Variants in PADI6 observed in about 807,000 individuals in gnomAD.
PADI6 encodes the protein inactive protein-arginine deiminase type-6.
In PADI6, 66 loss-of-function variants were observed where a neutral mutation model predicts 78.2. The observed-to-expected ratio is 0.84, with a 90% confidence interval of 0.69 to 1.04. PADI6 has a LOEUF of 1.04. PADI6 is among the 50% of genes least tolerant of loss of function. The pLI, the probability that PADI6 is intolerant of heterozygous loss-of-function variation, is 0.00. For missense variants in PADI6, 854 were observed against 866.1 expected, an observed-to-expected ratio of 0.99 and a Z score of 0.18; for synonymous variants, 397 against 346.9, an observed-to-expected ratio of 1.14 and a Z score of -1.60.
chr1:17,398,148 A>T (rs2075264214), intron 14 of PADI6, among the ~76,000 whole-genome samples: 1 of 152,206 alleles, frequency 6.6e-6, no homozygotes, highest in Admixed American at 6.5e-5. Context: ...GGTCCTTAAC[A>T]TTCCCAGGAA....
At chr1:17,372,884 A>AAC (rs3035574) in intron 1 of PADI6, among the ~76,000 whole-genome samples, 172 bp from the exon 2 acceptor site, 27,462 of 151,866 alleles carry the variant, frequency 0.18, 2,612 homozygotes, top group Middle Eastern at 0.3. Flanking sequence ...TCGGAGAGCA[A>AAC]ACACAGGGGT....
chr1:17,392,189 CTA>C lies in PADI6; in HGVS notation c.1040_1041del (p.Tyr347Ter). 6.4e-7 allele frequency: 1 copy of C among 1,559,730 alleles called. No homozygotes were observed. On this transcript the variant is annotated frameshift_variant, in exon 9 of 16. Transcript: ENST00000619609. LOFTEE classifies it high-confidence loss of function. ...EKSNSQVASV[Y>X]EDPNRLGRWL... ...AGAGCAACAGCCAGGTGGCATCTGT[CTA>C]TGAGGACCCCAACCGCCTGGGCAGG...
rs1259030602 is a variant in PADI6, at chr1:17,381,180, GTC to G, written c.553+20_553+21del. 5.1e-6 allele frequency: 8 copies of G among 1,562,752 alleles called. No homozygotes were observed. Among genetic ancestry groups the G allele is most frequent in the Non-Finnish European group, 7.0e-6 (8 of 1,150,528 alleles). On this transcript the variant is annotated intron_variant, in intron 5 of 15. Coordinates refer to ENST00000619609, the MANE Select transcript of PADI6 (RefSeq NM_207421.4). ...TTTTCAGAGGGTAGGACCTCAGACT[GTC>G]TCTGCCTTTCCTTCTTGGTCTCTTT...
chr1:17,398,436 G>A (rs1465915840), intron 14 of PADI6, among the ~76,000 whole-genome samples: 8 of 152,140 alleles, frequency 5.3e-5, no homozygotes, highest in African/African-American at 1.9e-4. Context: ...AGTGCCAGAC[G>A]CTGTCTAGCC....
At chr1:17,380,995 CAGA>C in intron 4 of PADI6, 49 bp from the exon 5 acceptor site, 8 of 1,468,924 alleles carry the variant, frequency 5.4e-6, no homozygotes, top group South Asian at 1.2e-5. Flanking sequence ...ATCCGAGAAA[CAGA>C]AGATTTATTT....
intron 3 of PADI6, among the ~76,000 whole-genome samples, chr1:17,376,001 G>A (rs753148002): frequency 6.7e-6 from 1 of 148,160 alleles, no homozygotes; most frequent in Middle Eastern, 3.5e-3. Flanking sequence ...TTTCTGAGAT[G>A]AGTCTTACTG....
intron 3 of PADI6, among the ~76,000 whole-genome samples, chr1:17,379,002 T>G (rs1325663186): frequency 2.0e-5 from 3 of 151,572 alleles, no homozygotes; most frequent in Admixed American, 1.3e-4. Context: ...TAGAGTGCAG[T>G]GGTCTGATCT....
chr1:17,374,513 G>A (rs2074996305), intron 2 of PADI6, among the ~76,000 whole-genome samples: 1 of 152,142 alleles, frequency 6.6e-6, no homozygotes, highest in Non-Finnish European at 1.5e-5. Flanking sequence ...GTAATCTCAG[G>A]TTCTCAGGAG....
intron 3 of PADI6, among the ~76,000 whole-genome samples, chr1:17,376,708 T>C (rs2075021229): frequency 6.6e-6 from 1 of 151,946 alleles, no homozygotes; most frequent in African/African-American, 2.4e-5. Flanking sequence ...TAGGTTGTCT[T>C]TTAAAGTCTA....
chr1:17,387,484 C>T (rs528969404), intron 6 of PADI6, among the ~76,000 whole-genome samples: 2 of 151,914 alleles, frequency 1.3e-5, no homozygotes, highest in South Asian at 4.2e-4. Context: ...CGTGGTAGCT[C>T]ACACCTGTAA....
chr1:17,381,866 T>C (rs905251552), intron 5 of PADI6, 101 bp from the exon 6 acceptor site: 1 of 1,381,126 alleles, frequency 7.2e-7, no homozygotes, highest in Non-Finnish European at 1.0e-6. Context: ...GGGTCCTTGG[T>C]GCTCTGTTCA....
Position 17,373,045 on chromosome 1 carries a change from G to T in PADI6, c.117-11G>T. The T allele has an allele frequency of 6.2e-7, 1 of 1,611,828 alleles. No homozygotes were observed. The highest frequency in any genetic ancestry group is 8.5e-7 in the Non-Finnish European group (1 of 1,178,264). On this transcript the variant is annotated splice_polypyrimidine_tract_variant and intron_variant, in intron 1 of 15. Coordinates refer to ENST00000619609, the MANE Select transcript of PADI6 (RefSeq NM_207421.4). ...TGTGCCCTGACGCGTGTCTCTTACC[G>T]GGCAAACCAGGTGTGCCCCCCAGAA... is the stretch of plus-strand genomic sequence containing the variant.
At chr1:17,387,460 G>GT (rs1056512795) in intron 6 of PADI6, among the ~76,000 whole-genome samples, 36 of 143,236 alleles carry the variant, frequency 2.5e-4, no homozygotes, top group East Asian at 9.9e-4. Flanking sequence ...AGAAAAGGAG[G>GT]GGGGGGGGCC....
At chr1:17,385,529 T>C (rs987498266) in intron 6 of PADI6, among the ~76,000 whole-genome samples, 4 of 152,156 alleles carry the variant, frequency 2.6e-5, no homozygotes, top group African/African-American at 9.7e-5. Context: ...GAAGGCATTG[T>C]CTGCCTTGGA....
At position 17,400,362 on chromosome 1, in the gene PADI6, C is replaced by A. The variant is rs188696658; in HGVS notation, c.1852-843C>A. On this transcript the variant is annotated intron_variant, in intron 15 of 15. Transcript: ENST00000619609. ...GTCTTTACCAAAAATACAAAATTAG[C>A]CAGGTGTAGTGGTGCATGCCTGTCA... 2.0e-3 allele frequency among the ~76,000 whole-genome samples: 300 copies of A among 152,084 alleles called. 1 individual carries two copies. The highest frequency in any genetic ancestry group is 3.2e-3 in the Non-Finnish European group (219 of 67,998).
chr1:17,391,963 G>A, intron 8 of PADI6, 151 bp from the exon 9 acceptor site: 1 of 630,928 alleles, frequency 1.6e-6, no homozygotes, highest in South Asian at 1.9e-5. Flanking sequence ...CTTGTGCCGA[G>A]GTCAGGGATG....
chr1:17,400,502 TTTTGTTTTTTTG>T (rs1205204342), intron 15 of PADI6, among the ~76,000 whole-genome samples: 3 of 147,540 alleles, frequency 2.0e-5, no homozygotes, highest in African/African-American at 7.9e-5. Flanking sequence ...AGCAAAACTG[TTTTGTTTTTTTG>T]TTTGTTTGTT....
Position 17,392,068 on chromosome 1 carries a change from G to A in PADI6, c.963-46G>A, listed in dbSNP as rs897449257. 21 of 1,485,498 alleles carry A rather than the reference G, an allele frequency of 1.4e-5. No individual in the cohort carries two copies. In the East Asian group the frequency reaches 4.9e-4, roughly 35 times the overall value. 92.0% of individuals were successfully genotyped at this position (1,485,498 alleles called of 1,614,324 possible). Reference sequence around the variant, plus strand: ...GGCACAAGGAGGTCATAACCAGTAAGGGACCTTCGAAAGCCTTCCCAGAAC... The same window carrying A: ...GGCACAAGGAGGTCATAACCAGTAAAGGACCTTCGAAAGCCTTCCCAGAAC... On this transcript the variant is annotated intron_variant, in intron 8 of 15. Transcript: ENST00000619609.
intron 15 of PADI6, 120 bp downstream of exon 15, chr1:17,398,967 TGGGA>T: frequency 1.8e-6 from 2 of 1,107,318 alleles, no homozygotes; most frequent in Non-Finnish European, 1.3e-6. Context: ...TATGAGGAAA[TGGGA>T]GGGAGACCCC....
Sources: gnomAD v4.1 joint callset for allele counts (sites outside exome capture counted in the v4.1 genomes callset) on GRCh38, gnomAD v4.1.1 for gene constraint, MANE v1.5 for transcripts, NCBI Gene and HGNC (gene_info 2026-07-23, HGNC 2026-07-21) for gene names.